Variants in CATSPERB observed in about 807,000 individuals in gnomAD.
CATSPERB encodes the protein cation channel sperm-associated auxiliary subunit beta.
Under a neutral mutation model 128.3 loss-of-function variants are expected in CATSPERB, and 93 were observed. That is an observed-to-expected ratio of 0.72 (90% CI 0.61 to 0.86). CATSPERB has a LOEUF of 0.86. CATSPERB is among the 40% of genes least tolerant of loss of function. The pLI, the probability that CATSPERB is intolerant of heterozygous loss-of-function variation, is 0.00. For missense variants in CATSPERB, 1,153 were observed against 1,329.5 expected (o/e 0.87, Z 2.06); for synonymous variants, 381 against 448.8 (o/e 0.85, Z 1.91).
chr14:91,670,424 T>C (rs1028191533), intron 13 of CATSPERB, among the ~76,000 whole-genome samples: 5 of 151,490 alleles, frequency 3.3e-5, no homozygotes, highest in African/African-American at 1.2e-4. Context: ...TGGCTTGTAA[T>C]CTCAGCACTT....
At chr14:91,679,570 A>G (rs1895245711) in intron 11 of CATSPERB, among the ~76,000 whole-genome samples, 1 of 152,136 alleles carries the variant, frequency 6.6e-6, no homozygotes, top group Non-Finnish European at 1.5e-5. Flanking sequence ...TCAGATTTAA[A>G]AGGGTTAAGG....
chr14:91,683,083 T>C (rs1192545212), intron 11 of CATSPERB, among the ~76,000 whole-genome samples: 2 of 152,210 alleles, frequency 1.3e-5, no homozygotes, highest in Non-Finnish European at 1.5e-5. Flanking sequence ...CTTTCATATA[T>C]AGCACGATTG....
chr14:91,680,714 G>A (rs527449900), intron 11 of CATSPERB, among the ~76,000 whole-genome samples: 1 of 152,202 alleles, frequency 6.6e-6, no homozygotes, highest in Admixed American at 6.5e-5. Context: ...ATGGGACAAA[G>A]TAAAACTTGG....
intron 20 of CATSPERB, 100 bp downstream of exon 20, chr14:91,617,497 A>C: frequency 1.2e-6 from 1 of 804,036 alleles, no homozygotes; most frequent in South Asian, 2.0e-5. Flanking sequence ...GTATTTATAA[A>C]CAGAGATGTT....
chr14:91,586,717 G>A (rs1407717234), intron 26 of CATSPERB, among the ~76,000 whole-genome samples: 2 of 152,162 alleles, frequency 1.3e-5, no homozygotes, highest in East Asian at 1.9e-4. Context: ...AAAATGAGTT[G>A]TTGCTTTCAT....
chr14:91,657,853 G>T (rs923600809), intron 15 of CATSPERB, among the ~76,000 whole-genome samples: 1 of 152,002 alleles, frequency 6.6e-6, no homozygotes, highest in African/African-American at 2.4e-5. Flanking sequence ...AGCTTTTATC[G>T]AAAAGACAGG....
At chr14:91,709,524 C>CA (rs71120188) in intron 5 of CATSPERB, 2,126 of 74,632 alleles carry the variant, frequency 0.028, 80 homozygotes, top group Middle Eastern at 0.11. Context: ...ACTAAAAATA[C>CA]AAAAAAAAAA....
chr14:91,604,895 C>T (rs748434443), intron 22 of CATSPERB: 17 of 1,281,056 alleles, frequency 1.3e-5, no homozygotes, highest in East Asian at 2.3e-5. Context: ...GTTCTGGAAC[C>T]ACGTCTTAAC....
intron 14 of CATSPERB, among the ~76,000 whole-genome samples, chr14:91,665,508 A>G (rs887966884): frequency 1.3e-5 from 2 of 152,218 alleles, no homozygotes; most frequent in African/African-American, 4.8e-5. Flanking sequence ...GGACACCACC[A>G]AATGCAAATT....
chr14:91,663,335 G>C (rs900524133), intron 14 of CATSPERB, among the ~76,000 whole-genome samples: 1 of 151,980 alleles, frequency 6.6e-6, no homozygotes, highest in Non-Finnish European at 1.5e-5. Context: ...CAAATTATAA[G>C]TCATTGCCAA....
chr14:91,691,604 T>G, intron 9 of CATSPERB, 49 bp from the exon 10 acceptor site: 2 of 1,371,430 alleles, frequency 1.5e-6, no homozygotes. Flanking sequence ...TCAGAAGGCC[T>G]AACAAAACAT....
intron 18 of CATSPERB, 109 bp from the exon 19 acceptor site, chr14:91,622,046 C>T (rs117673761): frequency 3.3e-5 from 23 of 687,712 alleles, no homozygotes; most frequent in Non-Finnish European, 4.4e-5. Flanking sequence ...TAAACTATCT[C>T]TTAACCAGAG....
At chr14:91,633,684 A>G (rs1385485080) in intron 17 of CATSPERB, among the ~76,000 whole-genome samples, 3 of 152,134 alleles carry the variant, frequency 2.0e-5, no homozygotes, top group Non-Finnish European at 4.4e-5. Flanking sequence ...AAGTTAAAGG[A>G]AAAAATTCTA....
chr14:91,728,262 G>C (rs1164691506), intron 2 of CATSPERB, among the ~76,000 whole-genome samples: 2 of 152,028 alleles, frequency 1.3e-5, no homozygotes, highest in East Asian at 3.9e-4. Flanking sequence ...CTGCAGGTGA[G>C]CACCATCACA....
intron 1 of CATSPERB, among the ~76,000 whole-genome samples, chr14:91,731,439 C>T (rs1023856063): frequency 2.6e-5 from 4 of 152,126 alleles, no homozygotes; most frequent in Non-Finnish European, 5.9e-5. Context: ...GTCTGTCCAT[C>T]GAAATATTTG....
intron 1 of CATSPERB, among the ~76,000 whole-genome samples, chr14:91,730,973 G>A (rs920966333): frequency 2.6e-5 from 4 of 152,028 alleles, no homozygotes; most frequent in East Asian, 1.9e-4. Context: ...AAATTCTGTC[G>A]GCATGGTGCA....
intron 18 of CATSPERB, among the ~76,000 whole-genome samples, chr14:91,622,956 G>T (rs185357339): frequency 6.1e-5 from 9 of 148,218 alleles, no homozygotes; most frequent in Non-Finnish European, 8.9e-5. Context: ...GTGCAATGGC[G>T]CAATCTTGGC....
chr14:91,661,522 A>T (rs1345259425), intron 14 of CATSPERB, among the ~76,000 whole-genome samples: 1 of 50,532 alleles, frequency 2.0e-5, no homozygotes, highest in Non-Finnish European at 3.7e-5. Flanking sequence ...GTCAGATGCT[A>T]TCATATATAT....
chr14:91,722,911 G>C, intron 4 of CATSPERB, 138 bp downstream of exon 4: 1 of 542,624 alleles, frequency 1.8e-6, no homozygotes, highest in Non-Finnish European at 2.8e-6. Flanking sequence ...AAAGCAAAAA[G>C]TGTAACACTA....
Sources: allele counts gnomAD v4.1 joint callset (sites outside exome capture counted in the v4.1 genomes callset), GRCh38; gene constraint gnomAD v4.1.1; transcripts MANE v1.5; gene names NCBI Gene and HGNC (gene_info 2026-07-23, HGNC 2026-07-21).